Variants in COL25A1 observed in about 807,000 individuals in gnomAD.
The protein encoded by COL25A1 is collagen alpha-1(XXV) chain.
A neutral mutation model predicts 128.4 loss-of-function variants in COL25A1; 103 were observed. The observed-to-expected ratio is 0.80, with a 90% CI of 0.68 to 0.94. The LOEUF (loss-of-function observed/expected upper bound fraction) is 0.94. Among genes scored for constraint, COL25A1 ranks in the 40% least tolerant of loss-of-function variants. COL25A1 has a pLI of 0.00. For synonymous variants in COL25A1, 279 were observed against 277.2 expected, an observed-to-expected ratio of 1.01 and a Z score of -0.06; for missense variants, 745 against 840.0, an observed-to-expected ratio of 0.89 and a Z score of 1.40.
chr4:109,197,462 A>G (rs1449908443), intron 3 of COL25A1, among the ~76,000 whole-genome samples: 1 of 71,690 alleles, frequency 1.4e-5, no homozygotes, highest in African/African-American at 4.3e-5. Flanking sequence ...ATATATAAAT[A>G]TTATATATAA....
chr4:108,863,229 A>T, intron 21 of COL25A1, 90 bp downstream of exon 21: 2 of 1,238,352 alleles, frequency 1.6e-6, no homozygotes, highest in Non-Finnish European at 2.3e-6. Context: ...GGGCTGTTTT[A>T]ATACCTGTTA....
intron 3 of COL25A1, among the ~76,000 whole-genome samples, chr4:109,279,428 T>A (rs1337374726): frequency 2.6e-5 from 4 of 152,062 alleles, no homozygotes; most frequent in Non-Finnish European, 5.9e-5. Context: ...ATTAGAAGAT[T>A]AGCCAGGTCT....
At chr4:109,048,122 A>G (rs1017683897) in intron 5 of COL25A1, 46 bp downstream of exon 5, 1 of 1,599,442 alleles carries the variant, frequency 6.3e-7, no homozygotes, top group Non-Finnish European at 8.6e-7. Flanking sequence ...TAACATACAC[A>G]ATCCTGATAA....
intron 3 of COL25A1, among the ~76,000 whole-genome samples, chr4:109,076,253 T>C (rs1579289913): frequency 6.6e-6 from 1 of 152,194 alleles, no homozygotes; most frequent in Non-Finnish European, 1.5e-5. Flanking sequence ...TGAAGGGTCA[T>C]ATGAATATGA....
chr4:108,957,409 C>A (rs1430578480), intron 8 of COL25A1, among the ~76,000 whole-genome samples: 1 of 152,068 alleles, frequency 6.6e-6, no homozygotes, highest in African/African-American at 2.4e-5. Flanking sequence ...AAGAATGTAA[C>A]CAGTAATGGA....
At chr4:109,181,040 A>G (rs1389748252) in intron 3 of COL25A1, among the ~76,000 whole-genome samples, 1 of 152,174 alleles carries the variant, frequency 6.6e-6, no homozygotes, top group Non-Finnish European at 1.5e-5. Flanking sequence ...CATTGAGCAA[A>G]GTGGGCTCTG....
intron 8 of COL25A1, among the ~76,000 whole-genome samples, chr4:108,968,822 C>G (rs1242175554): frequency 6.6e-6 from 1 of 152,096 alleles, no homozygotes; most frequent in Non-Finnish European, 1.5e-5. Flanking sequence ...TAATTAAAAT[C>G]CATCTTCTCA....
At chr4:109,247,050 T>C (rs1358408836) in intron 3 of COL25A1, among the ~76,000 whole-genome samples, 2 of 152,060 alleles carry the variant, frequency 1.3e-5, no homozygotes, top group Non-Finnish European at 2.9e-5. Context: ...AGCTGGAACA[T>C]AGAAAAAGGA....
chr4:108,886,377 G>A (rs1184218801), intron 18 of COL25A1, among the ~76,000 whole-genome samples: 3 of 151,544 alleles, frequency 2.0e-5, no homozygotes, highest in Non-Finnish European at 4.4e-5. Context: ...GCCACATGCA[G>A]CCCAGGATGG....
chr4:109,249,586 GCA>G (rs1260282039), intron 3 of COL25A1, among the ~76,000 whole-genome samples: 1 of 151,154 alleles, frequency 6.6e-6, no homozygotes, highest in Non-Finnish European at 1.5e-5. Flanking sequence ...ACCGAACATA[GCA>G]CACTTTGATT....
intron 5 of COL25A1, among the ~76,000 whole-genome samples, chr4:109,023,989 C>T (rs1395841623): frequency 6.6e-6 from 1 of 152,182 alleles, no homozygotes; most frequent in Non-Finnish European, 1.5e-5. Context: ...GCCTAGCGGG[C>T]ATTCTTCTGT....
chr4:108,839,520 C>T (rs922030379), intron 31 of COL25A1, among the ~76,000 whole-genome samples: 6 of 152,260 alleles, frequency 3.9e-5, no homozygotes, highest in South Asian at 2.1e-4. Context: ...ATTTGAGATC[C>T]GTGGCTTTGC....
chr4:109,257,691 C>G (rs367571356), intron 3 of COL25A1, among the ~76,000 whole-genome samples: 5 of 152,220 alleles, frequency 3.3e-5, no homozygotes, highest in African/African-American at 1.2e-4. Context: ...AGTTGGAATT[C>G]GGGCCCAGTG....
intron 3 of COL25A1, among the ~76,000 whole-genome samples, chr4:109,181,036 G>A (rs1032050986): frequency 6.6e-6 from 1 of 152,144 alleles, no homozygotes; most frequent in Non-Finnish European, 1.5e-5. Context: ...TCTGCATTGA[G>A]CAAAGTGGGC....
rs1426081732 is a variant in COL25A1, at chr4:109,261,308, G to A, written c.367+39275C>T. ...CAGGCAAGCGGGTCACTTGAGGTCA[G>A]GAATTCAAAACCAGCCTGGTCAACA... On this transcript the variant is annotated intron_variant, in intron 3 of 37. Coordinates refer to ENST00000399132, the MANE Select transcript of COL25A1 (RefSeq NM_198721.4). Among the ~76,000 whole-genome samples the A allele has an allele frequency of 3.9e-5, 6 of 152,096 alleles. No homozygotes were observed. In the East Asian group the frequency reaches 9.7e-4, roughly 24 times the overall value.
At chr4:108,962,994 G>A (rs1172614460) in intron 8 of COL25A1, among the ~76,000 whole-genome samples, 1 of 152,118 alleles carries the variant, frequency 6.6e-6, no homozygotes, top group Non-Finnish European at 1.5e-5. Context: ...TGCTACAGGG[G>A]GCTGCTGGAC....
At chr4:109,157,640 C>T (rs1490899025) in intron 3 of COL25A1, among the ~76,000 whole-genome samples, 4 of 152,150 alleles carry the variant, frequency 2.6e-5, no homozygotes, top group Non-Finnish European at 5.9e-5. Context: ...AATACTCTTG[C>T]TAAAGCAAAA....
In COL25A1 at chr4:108,822,912, A is replaced by T. The variant is rs906508410; in HGVS notation, c.1845+1262T>A. On this transcript the variant is annotated intron_variant, in intron 35 of 37. Transcript: ENST00000399132. ...CGGGGGTTGTTATGAGGATTAAAAG[A>T]CTTATCATATGTATAGCTCTTGGGA... Among the ~76,000 whole-genome samples, 4 of 152,334 alleles carry T rather than the reference A, an allele frequency of 2.6e-5. No individual in the cohort carries two copies. The East Asian group carries it at 7.7e-4, about 29-fold the overall frequency.
At chr4:109,267,936 C>G (rs906544454) in intron 3 of COL25A1, among the ~76,000 whole-genome samples, 4 of 152,106 alleles carry the variant, frequency 2.6e-5, no homozygotes, top group Non-Finnish European at 4.4e-5. Flanking sequence ...TTTCCTTAGT[C>G]ATGACATACA....
Sources: allele counts gnomAD v4.1 joint callset (sites outside exome capture counted in the v4.1 genomes callset), GRCh38; gene constraint gnomAD v4.1.1; transcripts MANE v1.5; gene names NCBI Gene and HGNC (gene_info 2026-07-23, HGNC 2026-07-21).